The following ANAPC5 variants were observed in gnomAD, a reference collection of about 807,000 sequenced individuals.
ANAPC5 encodes the protein anaphase promoting complex subunit 5, also known as anaphase-promoting complex subunit 5.
In ANAPC5, 60 loss-of-function variants were observed where a neutral mutation model predicts 91.3. That is an observed-to-expected ratio of 0.66 (90% confidence interval 0.53 to 0.81). The LOEUF (loss-of-function observed/expected upper bound fraction) is 0.81. Among genes scored for constraint, ANAPC5 ranks in the 40% least tolerant of loss-of-function variants. ANAPC5 has a pLI of 0.00. For missense variants in ANAPC5, 690 were observed against 931.5 expected, an observed-to-expected ratio of 0.74 and a Z score of 3.37; for synonymous variants, 340 against 364.1, an observed-to-expected ratio of 0.93 and a Z score of 0.75.
chr12:121,335,454 C>T, intron 7 of ANAPC5, 79 bp downstream of exon 7: 1 of 1,480,636 alleles, frequency 6.8e-7, no homozygotes, highest in South Asian at 1.4e-5. Context: ...GCGTGAGCCA[C>T]CGCACCAGGC....
At chr12:121,345,616 T>C (rs1555274580) in intron 4 of ANAPC5, among the ~76,000 whole-genome samples, 4 of 152,004 alleles carry the variant, frequency 2.6e-5, no homozygotes, top group Admixed American at 2.0e-4. Flanking sequence ...CTCCACGTCA[T>C]TCTCCCTGGC....
In ANAPC5 at chr12:121,308,591, T is replaced by C. The variant is rs1902033877; in HGVS notation, c.2157A>G (p.Arg719=). The stretch of plus-strand genomic sequence containing the variant: ...GGGTCTTCCCCAGGGTATGGTAGAG[T>C]CTGGCCTGGAAGTAAACGACGTCCC... ...RIRDVVYFQA[R]LYHTLGKTQE... Residue 719 remains arginine (R), a synonymous_variant, in exon 17 of 17, where the codon AGA becomes AGG. Transcript: ENST00000261819. 6.2e-7 allele frequency: 1 copy of C among 1,613,916 alleles called. No homozygotes were observed.
rs907290763 is a variant in ANAPC5, at chr12:121,330,696, A to T, written c.1033-24T>A. The T allele has an allele frequency of 1.9e-6, 3 of 1,595,390 alleles. No homozygotes were observed. In the African/African-American group the frequency reaches 4.0e-5, roughly 21 times the overall value. ...CTCTGGCAAGAGAAATCATCAAAAT[A>T]TATCATAACAGTGGCAATGGCTGAT... On this transcript the variant is annotated intron_variant, in intron 8 of 16. Coordinates refer to ENST00000261819, the MANE Select transcript of ANAPC5 (RefSeq NM_016237.5).
chr12:121,321,378 G>T (rs1272463335), intron 11 of ANAPC5, among the ~76,000 whole-genome samples: 1 of 135,198 alleles, frequency 7.4e-6, no homozygotes, highest in African/African-American at 2.7e-5. Flanking sequence ...ATGAGACAGG[G>T]TCTTGCTCTG....
intron 9 of ANAPC5, among the ~76,000 whole-genome samples, chr12:121,329,452 G>T (rs1255192155): frequency 6.6e-6 from 1 of 150,822 alleles, no homozygotes; most frequent in East Asian, 2.0e-4. Flanking sequence ...ACGCCAGGCC[G>T]ATTTTAAAGT....
Position 121,321,343 on chromosome 12 carries a change from CTT to C in ANAPC5, c.1441-886_1441-885del, listed in dbSNP as rs71079053. On this transcript the variant is annotated intron_variant, in intron 11 of 16. Coordinates refer to ENST00000261819, the MANE Select transcript of ANAPC5 (RefSeq NM_016237.5). ...CATGTAAACAAGAACAAACAAATTA[CTT>C]TTTTTTTTTTTTTTTTTTTTTTATG... 2.8e-3 allele frequency among the ~76,000 whole-genome samples: 282 copies of C among 100,652 alleles called. 1 individual carries two copies. Among genetic ancestry groups the C allele is most frequent in the African/African-American group, 7.3e-3 (195 of 26,564 alleles). 66.0% of individuals were successfully genotyped at this position (100,652 alleles called of 152,430 possible). A position where few individuals can be genotyped will look rare whatever the true frequency, so the allele number is the denominator to read the frequency against.
chr12:121,330,633 A>G lies in ANAPC5; in HGVS notation c.1072T>C (p.Tyr358His). The change falls in exon 9 of 17, where the codon TAT (tyrosine) becomes CAT (histidine). Residue 358 changes from tyrosine (Y) to histidine (H), a missense_variant. Coordinates refer to ENST00000261819, the MANE Select transcript of ANAPC5 (RefSeq NM_016237.5). ...TTCACAGAATGCTCCAGCAGAACAT[A>G]GCTATCGGATCTCTTCTGCCCCAGC... ...YVLGQKRSDS[Y>H]VLLEHSVKKA... The G allele has an allele frequency of 1.2e-6, 2 of 1,614,176 alleles. No homozygotes were observed. Among genetic ancestry groups the G allele is most frequent in the Non-Finnish European group, 1.7e-6 (2 of 1,180,004 alleles).
At position 121,328,459 on chromosome 12, in the gene ANAPC5, CTG is replaced by C. The variant is rs1902906161; in HGVS notation, c.1159_1160del (p.Gln387GlufsTer101). On this transcript the variant is annotated frameshift_variant, in exon 10 of 17. Coordinates refer to ENST00000261819, the MANE Select transcript of ANAPC5 (RefSeq NM_016237.5). LOFTEE classifies it high-confidence loss of function. The stretch of plus-strand genomic sequence containing the variant: ...TTGCCGTCTTCCCAGCAAAAGCTCT[CTG>C]TTGAACAAGGGACTGTATTCCCAGG... The part of the protein sequence containing the change: ...ASLGIQSLVQ[Q>X]RAFAGKTANK... 22 of 1,613,930 alleles carry C rather than the reference CTG, an allele frequency of 1.4e-5. No individual in the cohort carries two copies. Among genetic ancestry groups the C allele is most frequent in the Non-Finnish European group, 1.9e-5 (22 of 1,180,012 alleles).
chr12:121,331,999 G>C (rs1172755792), intron 7 of ANAPC5: 1 of 152,042 alleles, frequency 6.6e-6, no homozygotes, highest in Non-Finnish European at 1.5e-5. Flanking sequence ...ACCATGCTTG[G>C]TCGGCTAATT....
At chr12:121,313,439 GAACA>G (rs1902246904) in intron 15 of ANAPC5, among the ~76,000 whole-genome samples, 1 of 152,134 alleles carries the variant, frequency 6.6e-6, no homozygotes, top group African/African-American at 2.4e-5. Flanking sequence ...GAGACTAAGA[GAACA>G]ACAGAGAGAA....
intron 15 of ANAPC5, among the ~76,000 whole-genome samples, chr12:121,314,610 A>G (rs753986939): frequency 2.6e-5 from 4 of 151,840 alleles, no homozygotes; most frequent in Non-Finnish European, 5.9e-5. Context: ...ACAGGAACAA[A>G]ATAAGGACAT....
At position 121,313,841 on chromosome 12, in the gene ANAPC5, C is replaced by T. The variant is rs746487607; in HGVS notation, c.1894-3978G>A. ...TTTAAAACAATTAACACCAATCCTT[C>T]TCAAATTCTTCCCAGAAAAAGGAGA... is the stretch of plus-strand genomic sequence containing the variant. On this transcript the variant is annotated intron_variant, in intron 15 of 16. Transcript: ENST00000261819. Among the ~76,000 whole-genome samples, 81 of 152,318 alleles carry T rather than the reference C, an allele frequency of 5.3e-4. No homozygotes were observed. In the Middle Eastern group the frequency reaches 0.01, roughly 19 times the overall value.
At chr12:121,322,951 GGAGGCAGAGGTTGCAGT>G (rs1467054524) in intron 11 of ANAPC5, among the ~76,000 whole-genome samples, 1 of 152,098 alleles carries the variant, frequency 6.6e-6, no homozygotes, top group Non-Finnish European at 1.5e-5. Flanking sequence ...CTTGAACCCA[GGAGGCAGAGGTTGCAGT>G]GAGCTGAGAT....
At position 121,308,370 on chromosome 12, in the gene ANAPC5, G is replaced by A; in HGVS notation, c.*110C>T. 1.2e-6 allele frequency: 1 copy of A among 826,884 alleles called. No homozygotes were observed. The highest frequency in any genetic ancestry group is 1.9e-6 in the Non-Finnish European group (1 of 518,550). The allele number at this position is 826,884 out of a possible 1,614,324, so 51.2% of individuals were successfully genotyped here. ...AATAAGACAAACTAATCAGAATGCT[G>A]TTTATTGACAAGATAGGGTGTCACA... On this transcript the variant is annotated 3_prime_UTR_variant, in exon 17 of 17. Coordinates refer to ENST00000261819, the MANE Select transcript of ANAPC5 (RefSeq NM_016237.5).
rs1191928475 is a variant in ANAPC5 at position 121,348,031 on chromosome 12, A to G, written c.208-150T>C. 8.1e-6 allele frequency: 5 copies of G among 615,982 alleles called. No homozygotes were observed. The Admixed American group carries it at 1.5e-4, about 19-fold the overall frequency. 38.2% of individuals were successfully genotyped at this position (615,982 alleles called of 1,614,324 possible). On this transcript the variant is annotated intron_variant, in intron 1 of 16. Coordinates refer to ENST00000261819, the MANE Select transcript of ANAPC5 (RefSeq NM_016237.5). ...TTTTTCTATCTACCTAAAACACTAA[A>G]GTAATACTTCACATTTGCATACCAT...
At chr12:121,343,640 C>T (rs1300774178) in intron 4 of ANAPC5, among the ~76,000 whole-genome samples, 9 of 152,182 alleles carry the variant, frequency 5.9e-5, no homozygotes, top group Admixed American at 3.9e-4. Flanking sequence ...TCCTCTTGCT[C>T]TCAATATGTG....
At chr12:121,339,861 T>C (rs1250875180) in intron 5 of ANAPC5, among the ~76,000 whole-genome samples, 2 of 149,274 alleles carry the variant, frequency 1.3e-5, no homozygotes, top group African/African-American at 5.1e-5. Context: ...CTACATGTTT[T>C]CTTCCAGTTT....
In ANAPC5 at chr12:121,328,369, G is replaced by C. The variant is rs1555272527; in HGVS notation, c.1251C>G (p.Leu417=). ...TTTTCTGTGCGATGCTGATATCGAT[G>C]AGCTCTGACAGGCTGTGTTTCCAGT... The part of the protein sequence containing the change: ...LLHWKHSLSE[L]IDISIAQKTA... Residue 417 remains leucine, a synonymous_variant, in exon 10 of 17, where the codon CTC becomes CTG. Transcript: ENST00000261819. The C allele has an allele frequency of 1.9e-6, 3 of 1,613,770 alleles. No individual in the cohort carries two copies. In the East Asian group the frequency reaches 6.7e-5, roughly 36 times the overall value.
At chr12:121,327,062 CT>C in intron 11 of ANAPC5, 33 bp downstream of exon 11, 1 of 1,569,138 alleles carries the variant, frequency 6.4e-7, no homozygotes, top group Non-Finnish European at 8.6e-7. Flanking sequence ...GCCTCCATTG[CT>C]CCAGAAGCAC....
Sources: allele counts gnomAD v4.1 joint callset (sites outside exome capture counted in the v4.1 genomes callset), GRCh38; gene constraint gnomAD v4.1.1; transcripts MANE v1.5; gene names NCBI Gene and HGNC (gene_info 2026-07-23, HGNC 2026-07-21).